The following PRKN variants were observed in gnomAD, a reference collection of about 807,000 sequenced individuals.
The protein encoded by PRKN is E3 ubiquitin-protein ligase parkin.
PRKN carries 56 observed loss-of-function variants against 59.5 expected under a neutral mutation model. The ratio of observed to expected loss-of-function variants is 0.94; its 90% CI spans 0.76 to 1.18. The LOEUF is 1.18. Ranked by LOEUF, PRKN falls within the 50% of genes most tolerant of loss-of-function variation. The pLI, the probability that PRKN is intolerant of heterozygous loss-of-function variation, is 0.00. For synonymous variants in PRKN, 250 were observed against 222.1 expected, an observed-to-expected ratio of 1.13 and a Z score of -1.12; for missense variants, 657 against 596.4, an observed-to-expected ratio of 1.10 and a Z score of -1.06.
At chr6:162,104,987 A>G (rs545340469) in intron 4 of PRKN, among the ~76,000 whole-genome samples, 1 of 152,326 alleles carries the variant, frequency 6.6e-6, no homozygotes, top group East Asian at 1.9e-4. Flanking sequence ...GGTGGCATCA[A>G]AGAATACCAA....
chr6:161,616,923 C>T (rs1441266295), intron 7 of PRKN, among the ~76,000 whole-genome samples: 1 of 151,974 alleles, frequency 6.6e-6, no homozygotes, highest in Non-Finnish European at 1.5e-5. Context: ...GGGTATATAC[C>T]CAGTAATGAG....
At chr6:162,277,930 G>A (rs1399518861) in intron 2 of PRKN, among the ~76,000 whole-genome samples, 1 of 152,178 alleles carries the variant, frequency 6.6e-6, no homozygotes, top group Non-Finnish European at 1.5e-5. Flanking sequence ...TTACCCAAAG[G>A]AGTTGAAAAC....
intron 1 of PRKN, among the ~76,000 whole-genome samples, chr6:162,638,512 C>T (rs1409992384): frequency 6.6e-6 from 1 of 152,160 alleles, no homozygotes; most frequent in African/African-American, 2.4e-5. Flanking sequence ...CCCATCCATG[C>T]ATCTATTGTT....
chr6:162,262,088 T>G lies in PRKN; in HGVS notation c.412+437A>C, dbSNP rs541940772. Among the ~76,000 whole-genome samples the G allele has an allele frequency of 6.2e-4, 95 of 152,300 alleles. 2 individuals carry two copies. The South Asian group carries it at 0.019, about 31-fold the overall frequency. On this transcript the variant is annotated intron_variant, in intron 3 of 11. Transcript: ENST00000366898. ...TAAAAGACTAAGAGGCACATATTAA[T>G]TTTTTTAAAATAACTAAACAATAAC...
intron 5 of PRKN, among the ~76,000 whole-genome samples, chr6:161,976,156 C>T (rs927025372): frequency 1.3e-5 from 2 of 151,996 alleles, no homozygotes; most frequent in African/African-American, 2.4e-5. Flanking sequence ...CCACCTGCCT[C>T]GGCCTCCCAA....
At chr6:161,736,541 G>T (rs1787972843) in intron 7 of PRKN, among the ~76,000 whole-genome samples, 1 of 152,106 alleles carries the variant, frequency 6.6e-6, no homozygotes, top group African/African-American at 2.4e-5. Context: ...CCTTACCGGG[G>T]GCCATCCCCA....
chr6:162,559,287 G>A (rs968690748), intron 1 of PRKN, among the ~76,000 whole-genome samples: 7 of 151,822 alleles, frequency 4.6e-5, no homozygotes, highest in South Asian at 2.1e-4. Context: ...CACAGACTGC[G>A]ACAGGCCACT....
In PRKN at chr6:162,348,613, G is replaced by A. The variant is rs142743713; in HGVS notation, c.172-85848C>T. ...GATGGACAAATTTTTTCTGTAAAGT[G>A]TCAGACAATAAATATTGTCATCTTT... On this transcript the variant is annotated intron_variant, in intron 2 of 11. Transcript: ENST00000366898. Among the ~76,000 whole-genome samples the A allele has an allele frequency of 2.8e-3, 427 of 152,186 alleles. 1 individual carries two copies. The highest frequency in any genetic ancestry group is 5.1e-3 in the Non-Finnish European group (345 of 67,984).
At chr6:162,411,004 T>C (rs917067999) in intron 2 of PRKN, among the ~76,000 whole-genome samples, 3 of 152,184 alleles carry the variant, frequency 2.0e-5, no homozygotes, top group Admixed American at 6.5e-5. Flanking sequence ...TACAGACTCA[T>C]ACAAAAATGA....
At chr6:161,528,189 A>G (rs973487684) in intron 9 of PRKN, among the ~76,000 whole-genome samples, 3 of 152,140 alleles carry the variant, frequency 2.0e-5, no homozygotes, top group Non-Finnish European at 1.5e-5. Context: ...TTGAGACAGG[A>G]TTTTATTCTG....
intron 1 of PRKN, among the ~76,000 whole-genome samples, chr6:162,691,991 TA>T (rs66484144): frequency 0.18 from 27,165 of 149,194 alleles, 3,080 homozygotes; most frequent in East Asian, 0.48. Flanking sequence ...ATGCACAGAT[TA>T]AAAAAAAAAA....
At chr6:162,071,395 C>T (rs184913649) in intron 4 of PRKN, among the ~76,000 whole-genome samples, 115 of 151,840 alleles carry the variant, frequency 7.6e-4, no homozygotes, top group African/African-American at 2.6e-3. Flanking sequence ...TTATTAAAGG[C>T]CTTTAGATAA....
chr6:162,045,509 A>G (rs1215348077), intron 5 of PRKN, among the ~76,000 whole-genome samples: 2 of 152,248 alleles, frequency 1.3e-5, no homozygotes, highest in African/African-American at 4.8e-5. Flanking sequence ...ACAGTACGTG[A>G]CATCGTCTCA....
rs1779967950 is a variant in PRKN, at chr6:161,550,608, G to A, written c.934-1605C>T. 2.0e-5 allele frequency among the ~76,000 whole-genome samples: 3 copies of A among 152,124 alleles called. No individual in the cohort carries two copies. The highest frequency in any genetic ancestry group is 7.2e-5 in the African/African-American group (3 of 41,420). ...AAGTTGCAGAATTTTCAGTCAGGTTGGATGCCTGGTGTGAGAGGAAAAGAG... is the reference window on the plus strand; with the variant it reads ...AAGTTGCAGAATTTTCAGTCAGGTTAGATGCCTGGTGTGAGAGGAAAAGAG... On this transcript the variant is annotated intron_variant, in intron 8 of 11. Transcript: ENST00000366898. This position sits in a 1 kb window ranked among gnomAD's most constrained non-coding sequence, Gnocchi z 4.0.
rs76943322 is a variant in PRKN at position 161,510,240 on chromosome 6, T to C, written c.1083+38614A>G. ...AGTGGCTACTAAAAATGACACAAAT[T>C]TGTGGAGATGAACCTTCTTGATGCT... On this transcript the variant is annotated intron_variant, in intron 9 of 11. Transcript: ENST00000366898. Among the ~76,000 whole-genome samples, 482 of 152,324 alleles carry C rather than the reference T, an allele frequency of 3.2e-3. 4 individuals carry two copies. Among genetic ancestry groups the C allele is most frequent in the African/African-American group, 0.011 (461 of 41,580 alleles).
At chr6:161,564,953 T>C (rs1441786190) in intron 8 of PRKN, among the ~76,000 whole-genome samples, 1 of 152,194 alleles carries the variant, frequency 6.6e-6, no homozygotes, top group African/African-American at 2.4e-5. Flanking sequence ...GTGAAGTCTT[T>C]CATTCTTTGG....
At chr6:161,618,261 G>T (rs1391140244) in intron 7 of PRKN, among the ~76,000 whole-genome samples, 1 of 152,130 alleles carries the variant, frequency 6.6e-6, no homozygotes, top group African/African-American at 2.4e-5. Flanking sequence ...GCTGCTTTGA[G>T]AAAAGGAGTT....
intron 7 of PRKN, among the ~76,000 whole-genome samples, chr6:161,679,635 A>C (rs1256959708): frequency 4.2e-5 from 6 of 141,706 alleles, no homozygotes; most frequent in African/African-American, 1.6e-4. Flanking sequence ...ATGGGGAAGC[A>C]AGTTTTAATA....
intron 4 of PRKN, among the ~76,000 whole-genome samples, chr6:162,087,467 A>T (rs1779289584): frequency 6.6e-6 from 1 of 152,036 alleles, no homozygotes; most frequent in East Asian, 1.9e-4. Context: ...TTATTTTTTT[A>T]AAAATTGGGC....
Sources: allele counts gnomAD v4.1 joint callset (sites outside exome capture counted in the v4.1 genomes callset), GRCh38; gene constraint gnomAD v4.1.1; non-coding constraint Gnocchi (gnomAD v3.1); transcripts MANE v1.5; gene names NCBI Gene and HGNC (gene_info 2026-07-23, HGNC 2026-07-21).